GON4L: variants seen among roughly 807,000 people sequenced by gnomAD.
GON4L encodes the protein gon-4 like, also known as GON-4-like protein.
In GON4L, 87 loss-of-function variants were observed where a neutral mutation model predicts 211.8. That is an observed-to-expected ratio of 0.41 (90% CI 0.35 to 0.49). The LOEUF is 0.49. Ranked by LOEUF, GON4L falls within the 20% of genes least tolerant of loss-of-function variation. The probability of loss-of-function intolerance (pLI) is 0.15; values close to 1 mark genes in which losing one functional copy is unlikely to be tolerated. For missense variants in GON4L, 2,155 were observed against 2,659.5 expected (o/e 0.81, Z 4.17); for synonymous variants, 875 against 962.6 (o/e 0.91, Z 1.68).
chr1:155,765,204 C>T lies in GON4L; in HGVS notation c.4269G>A (p.Arg1423=), dbSNP rs1281592162. The change falls in exon 21 of 32, where the codon AGG becomes AGA. Residue 1423 remains arginine, a synonymous_variant. Transcript: ENST00000368331. ...NALSSMDPEV[R]LSSPPGKPED... ...CTGGCTTCCCTGGGGGGCTACTAAGCCTCACTTCAGGATCCATTGAGGACA... is the reference window on the plus strand; with the variant it reads ...CTGGCTTCCCTGGGGGGCTACTAAGTCTCACTTCAGGATCCATTGAGGACA... 2 of 1,614,068 alleles carry T rather than the reference C, an allele frequency of 1.2e-6. No individual in the cohort carries two copies. The highest frequency in any genetic ancestry group is 1.7e-5 in the Admixed American group (1 of 59,992).
intron 25 of GON4L, 32 bp from the exon 26 acceptor site, chr1:155,757,355 C>T (rs751444622): frequency 2.5e-6 from 4 of 1,604,142 alleles, no homozygotes; most frequent in Non-Finnish European, 3.4e-6. Flanking sequence ...AAGAGGAAGT[C>T]TCCAGAGCCT....
intron 20 of GON4L, chr1:155,767,037 T>A: frequency 1.8e-6 from 1 of 555,034 alleles, no homozygotes; most frequent in Middle Eastern, 5.0e-4. Flanking sequence ...AGACTCTGTC[T>A]CAAAAACAAA....
chr1:155,815,314 T>C (rs1052181924), intron 8 of GON4L, among the ~76,000 whole-genome samples: 1 of 152,206 alleles, frequency 6.6e-6, no homozygotes, highest in Non-Finnish European at 1.5e-5. Context: ...TAATGTTGAA[T>C]TTTAAAAAGC....
intron 2 of GON4L, among the ~76,000 whole-genome samples, chr1:155,837,409 T>C (rs1336080953): frequency 6.6e-6 from 1 of 152,194 alleles, no homozygotes; most frequent in Non-Finnish European, 1.5e-5. Flanking sequence ...CAATTCACAT[T>C]TGCTGCTACG....
In GON4L at chr1:155,750,665, C is replaced by T; in HGVS notation, c.6645G>A (p.Glu2215=). 1 of 1,584,146 alleles carries T rather than the reference C, an allele frequency of 6.3e-7. No homozygotes were observed. The highest frequency in any genetic ancestry group is 8.6e-7 in the Non-Finnish European group (1 of 1,163,918). Residue 2215 remains glutamate, a synonymous_variant, in exon 32 of 32, where the codon GAG becomes GAA. Transcript: ENST00000368331. ...CATTGCTGGTACTGGTTGCATCATC[C>T]TCATCCTCAGAGCTGGCTTCACAGG... ...HTACEASSED[E]DDATSTSNAD...
Position 155,759,965 on chromosome 1 carries a change from T to TTATA in GON4L, c.5109+475_5109+478dup, listed in dbSNP as rs34443325. 1.3e-3 allele frequency among the ~76,000 whole-genome samples: 187 copies of TTATA among 144,278 alleles called. 1 individual carries two copies. The highest frequency in any genetic ancestry group is 1.7e-3 in the Non-Finnish European group (112 of 66,242). The allele number at this position is 144,278 out of a possible 152,430, so 94.7% of individuals were successfully genotyped here. A position where few individuals can be genotyped will look rare whatever the true frequency, so the allele number is the denominator to read the frequency against. ...ATTTTTATAATTTATATTTTATATA[T>TTATA]TATATATATATATATATGATATATA... On this transcript the variant is annotated intron_variant, in intron 24 of 31. Transcript: ENST00000368331.
chr1:155,798,441 A>C (rs1234260927), intron 11 of GON4L, among the ~76,000 whole-genome samples: 3 of 126,730 alleles, frequency 2.4e-5, no homozygotes, highest in Admixed American at 1.9e-4. Context: ...ATGGAGTCTC[A>C]CTCTGTCGCC....
In GON4L at chr1:155,766,076, G is replaced by T. The variant is rs746393496; in HGVS notation, c.3397C>A (p.Pro1133Thr). The change falls in exon 21 of 32, where the codon CCT (proline) becomes ACT (threonine). Residue 1133 changes from proline (P) to threonine (T), a missense_variant. By Grantham distance (38) the Pro-to-Thr change is conservative. Coordinates refer to ENST00000368331, the MANE Select transcript of GON4L (RefSeq NM_001282860.2). ...GCAGGGTGGTGGATAACAGGGGCAG[G>T]TTTCATACAGGGAGAGGCCTTGACT... ...RGVKASPCMK[P>T]APVIHHPASV... The T allele has an allele frequency of 1.2e-6, 2 of 1,614,178 alleles. No homozygotes were observed. Among genetic ancestry groups the T allele is most frequent in the East Asian group, 4.5e-5 (2 of 44,884 alleles).
chr1:155,767,313 A>G lies in GON4L; in HGVS notation c.2763+112T>C, dbSNP rs488240. On this transcript the variant is annotated intron_variant, in intron 20 of 31. Coordinates refer to ENST00000368331, the MANE Select transcript of GON4L (RefSeq NM_001282860.2). ...AGAAAGGTGAATCAGGAAGATTTCT[A>G]AAGTCCTAGTTCTACAACTAAAGCA... The G allele has an allele frequency of 5.9e-5, 95 of 1,606,042 alleles. No individual in the cohort carries two copies. In the East Asian group the frequency reaches 8.7e-4, roughly 15 times the overall value.
At chr1:155,836,946 T>A (rs1670368516) in intron 2 of GON4L, among the ~76,000 whole-genome samples, 1 of 152,186 alleles carries the variant, frequency 6.6e-6, no homozygotes, top group Non-Finnish European at 1.5e-5. Flanking sequence ...CAGAGTCACA[T>A]TATTCTATGG....
At chr1:155,794,501 T>C (rs893246303) in intron 12 of GON4L, among the ~76,000 whole-genome samples, 1 of 152,228 alleles carries the variant, frequency 6.6e-6, no homozygotes, top group African/African-American at 2.4e-5. Flanking sequence ...CATACTTTTT[T>C]GATGTTTTAC....
At chr1:155,826,382 T>C (rs977117502) in intron 3 of GON4L, among the ~76,000 whole-genome samples, 1 of 151,754 alleles carries the variant, frequency 6.6e-6, no homozygotes, top group Admixed American at 6.6e-5. Flanking sequence ...CTGGCCAACA[T>C]AGCAAAACCC....
chr1:155,766,732 G>C (rs1223427603), intron 20 of GON4L, 23 bp from the exon 21 acceptor site: 1 of 1,613,536 alleles, frequency 6.2e-7, no homozygotes, highest in African/African-American at 1.3e-5. Flanking sequence ...AGAACACTCT[G>C]ATCCAGCATA....
At chr1:155,789,361 T>C (rs748689501) in intron 12 of GON4L, among the ~76,000 whole-genome samples, 8 of 151,886 alleles carry the variant, frequency 5.3e-5, no homozygotes, top group Admixed American at 3.3e-4. Context: ...AAGTGAAGTA[T>C]AGGCTCATGC....
chr1:155,773,320 G>T, intron 17 of GON4L, 110 bp from the exon 18 acceptor site: 1 of 1,246,028 alleles, frequency 8.0e-7, no homozygotes. Flanking sequence ...TACCTAACTT[G>T]ATTCCCTCCC....
chr1:155,847,617 G>A (rs944548762), intron 2 of GON4L, among the ~76,000 whole-genome samples: 5 of 152,048 alleles, frequency 3.3e-5, no homozygotes, highest in Admixed American at 1.3e-4. Context: ...CAGGAGAATC[G>A]CTTGAACCCA....
At chr1:155,753,128 G>A in intron 29 of GON4L, 76 bp downstream of exon 29, 2 of 1,116,486 alleles carry the variant, frequency 1.8e-6, no homozygotes, top group South Asian at 2.6e-5. Context: ...ATTTATCCAG[G>A]CTCATGGAGG....
intron 10 of GON4L, among the ~76,000 whole-genome samples, chr1:155,806,823 C>G (rs535843151): frequency 3.3e-5 from 5 of 152,224 alleles, no homozygotes; most frequent in Non-Finnish European, 5.9e-5. Flanking sequence ...ATACCGCTGG[C>G]TGAATGCATT....
downstream of GON4L, among the ~76,000 whole-genome samples, chr1:155,749,142 C>T (rs1660367009): frequency 6.6e-6 from 1 of 152,112 alleles, no homozygotes; most frequent in South Asian, 2.1e-4. Flanking sequence ...ATCCCAGCTA[C>T]TTGGGAGGAT....
Sources: gnomAD v4.1 joint callset for allele counts (sites outside exome capture counted in the v4.1 genomes callset) on GRCh38, gnomAD v4.1.1 for gene constraint, MANE v1.5 for transcripts, NCBI Gene and HGNC (gene_info 2026-07-23, HGNC 2026-07-21) for gene names.